Variants in KCNH5 observed in about 807,000 individuals in gnomAD.
KCNH5 encodes the protein potassium voltage-gated channel subfamily H member 5.
KCNH5 carries 46 observed loss-of-function variants against 96.1 expected under a neutral mutation model. The ratio of observed to expected loss-of-function variants is 0.48; its 90% confidence interval spans 0.38 to 0.61. The LOEUF (loss-of-function observed/expected upper bound fraction) is 0.61, where lower values mean the gene tolerates loss of function less well. Ranked by LOEUF, KCNH5 falls within the 20% of genes least tolerant of loss-of-function variation. KCNH5 has a pLI of 0.00. For missense variants in KCNH5, 907 were observed against 1,225.8 expected (o/e 0.74, Z 3.88); for synonymous variants, 439 against 449.8 (o/e 0.98, Z 0.30).
intron 10 of KCNH5, chr14:62,712,438 G>A (rs552222991): frequency 3.5e-6 from 2 of 576,886 alleles, no homozygotes; most frequent in Non-Finnish European, 6.2e-6. Context: ...TAGGACACAG[G>A]TCATATTATT....
chr14:62,879,592 T>C lies in KCNH5; in HGVS notation c.1370-29740A>G, dbSNP rs566523520. 3.3e-5 allele frequency among the ~76,000 whole-genome samples: 5 copies of C among 152,266 alleles called. No homozygotes were observed. In the South Asian group the frequency reaches 1.0e-3, roughly 32 times the overall value. ...TAATTTAGGCATATTTCAAGCCTCC[T>C]GAAGGACCTTCCCGAATACTCTCCA... On this transcript the variant is annotated intron_variant, in intron 7 of 10. Transcript: ENST00000322893.
chr14:62,854,575 C>T (rs1887893454), intron 7 of KCNH5, among the ~76,000 whole-genome samples: 1 of 151,896 alleles, frequency 6.6e-6, no homozygotes, highest in African/African-American at 2.4e-5. Context: ...TATAGAGACC[C>T]CTTACATTAT....
chr14:63,025,970 C>G (rs180726475), intron 1 of KCNH5, among the ~76,000 whole-genome samples: 87 of 151,702 alleles, frequency 5.7e-4, no homozygotes, highest in African/African-American at 2.1e-3. Flanking sequence ...AAATCTACTA[C>G]AAAGTTATAG....
At chr14:63,037,701 A>G (rs1489026369) in intron 1 of KCNH5, among the ~76,000 whole-genome samples, 2 of 152,180 alleles carry the variant, frequency 1.3e-5, no homozygotes, top group Non-Finnish European at 2.9e-5. Flanking sequence ...TTTTAGTTAG[A>G]TATGGCAACC....
chr14:62,926,674 A>G (rs183970984), intron 7 of KCNH5, among the ~76,000 whole-genome samples: 1 of 152,254 alleles, frequency 6.6e-6, no homozygotes, highest in Admixed American at 6.5e-5. Flanking sequence ...ATATGGTGGA[A>G]GAGAGTCCTG....
At chr14:62,870,277 T>A (rs962901188) in intron 7 of KCNH5, among the ~76,000 whole-genome samples, 1 of 152,236 alleles carries the variant, frequency 6.6e-6, no homozygotes, top group Non-Finnish European at 1.5e-5. Flanking sequence ...CATAAAGTGA[T>A]GGTAATTTTT....
chr14:62,957,324 G>T (rs1310772102), intron 6 of KCNH5, among the ~76,000 whole-genome samples: 2 of 152,264 alleles, frequency 1.3e-5, no homozygotes, highest in East Asian at 3.9e-4. Flanking sequence ...AGATAATTCA[G>T]CCAATATTCC....
chr14:62,955,291 C>T (rs965571764), intron 6 of KCNH5, among the ~76,000 whole-genome samples: 4 of 152,060 alleles, frequency 2.6e-5, no homozygotes, highest in Non-Finnish European at 5.9e-5. Flanking sequence ...TTTCAATGGG[C>T]CTGTGCCACA....
chr14:62,802,593 G>A lies in KCNH5; in HGVS notation c.1570-12C>T. 1.2e-6 allele frequency: 2 copies of A among 1,611,834 alleles called. No individual in the cohort carries two copies. The highest frequency in any genetic ancestry group is 1.7e-4 in the Middle Eastern group (1 of 6,046). On this transcript the variant is annotated splice_polypyrimidine_tract_variant and intron_variant, in intron 8 of 10. Transcript: ENST00000322893. ...CAGATGGAGAGGACCTAAAGAAGGTGAGAGATGAATAAGTGAAAAGGAAAG... is the reference window on the plus strand; with the variant it reads ...CAGATGGAGAGGACCTAAAGAAGGTAAGAGATGAATAAGTGAAAAGGAAAG...
chr14:62,908,305 CA>C (rs1889069164), intron 7 of KCNH5, among the ~76,000 whole-genome samples: 1 of 152,112 alleles, frequency 6.6e-6, no homozygotes, highest in South Asian at 2.1e-4. Context: ...TGTTAGTTGT[CA>C]GGGGAGCAGA....
chr14:62,777,869 G>GTGTC (rs1427920338), intron 10 of KCNH5, among the ~76,000 whole-genome samples: 3 of 152,088 alleles, frequency 2.0e-5, no homozygotes, highest in Non-Finnish European at 4.4e-5. Flanking sequence ...TTGTGTGTGT[G>GTGTC]TGTGTGTGTG....
At chr14:62,792,265 T>C (rs1256791658) in intron 9 of KCNH5, among the ~76,000 whole-genome samples, 1 of 151,514 alleles carries the variant, frequency 6.6e-6, no homozygotes, top group African/African-American at 2.4e-5. Flanking sequence ...TGAAGACATT[T>C]TCAGAGAAGC....
intron 7 of KCNH5, among the ~76,000 whole-genome samples, chr14:62,928,139 A>ACTAAG (rs1889510169): frequency 6.6e-6 from 1 of 152,132 alleles, no homozygotes; most frequent in Non-Finnish European, 1.5e-5. Context: ...AGACCAGTGA[A>ACTAAG]CTAAGCATTC....
At chr14:62,895,560 T>C (rs1888794318) in intron 7 of KCNH5, among the ~76,000 whole-genome samples, 1 of 152,192 alleles carries the variant, frequency 6.6e-6, no homozygotes, top group African/African-American at 2.4e-5. Context: ...CTCAAACTCC[T>C]GACCTCAGGT....
chr14:62,947,714 GACAC>G (rs373941818), intron 7 of KCNH5, among the ~76,000 whole-genome samples: 1 of 149,506 alleles, frequency 6.7e-6, no homozygotes, highest in African/African-American at 2.5e-5. Context: ...GGACAGCTTA[GACAC>G]ACACACACAC....
intron 7 of KCNH5, among the ~76,000 whole-genome samples, chr14:62,910,941 A>ACACCC (rs61033705): frequency 3.3e-4 from 47 of 140,882 alleles, no homozygotes; most frequent in African/African-American, 8.5e-4. Flanking sequence ...ACACACACAC[A>ACACCC]CCCCTCTGTT....
chr14:62,886,373 A>G (rs971401986), intron 7 of KCNH5, among the ~76,000 whole-genome samples: 2 of 152,212 alleles, frequency 1.3e-5, no homozygotes, highest in Non-Finnish European at 2.9e-5. Flanking sequence ...ACATAAAACT[A>G]GCAATAAACA....
intron 2 of KCNH5, among the ~76,000 whole-genome samples, chr14:63,015,642 A>G (rs1164541932): frequency 6.6e-6 from 1 of 151,976 alleles, no homozygotes; most frequent in Non-Finnish European, 1.5e-5. Context: ...AGAGGGAGAG[A>G]GTCATACACA....
intron 4 of KCNH5, among the ~76,000 whole-genome samples, chr14:62,999,719 G>C (rs1438214035): frequency 9.2e-6 from 1 of 108,272 alleles, no homozygotes; most frequent in African/African-American, 3.5e-5. Flanking sequence ...GTTGTGGGGT[G>C]GGGGGAGGGG....
Sources: allele counts gnomAD v4.1 joint callset (sites outside exome capture counted in the v4.1 genomes callset), GRCh38; gene constraint gnomAD v4.1.1; transcripts MANE v1.5; gene names NCBI Gene and HGNC (gene_info 2026-07-23, HGNC 2026-07-21).